TNNI3K: variants seen among roughly 807,000 people sequenced by gnomAD.
TNNI3K encodes the protein TNNI3 interacting kinase, also known as serine/threonine-protein kinase TNNI3K.
Under a neutral mutation model 114.5 loss-of-function variants are expected in TNNI3K, and 140 were observed. The observed-to-expected ratio is 1.22, with a 90% CI of 1.07 to 1.41. TNNI3K has a LOEUF of 1.41. Among genes scored for constraint, TNNI3K ranks in the 40% most tolerant of loss-of-function variants. The pLI is 0.00. For missense variants in TNNI3K, 1,125 were observed against 1,007.6 expected (o/e 1.12, Z -1.58); for synonymous variants, 347 against 347.5 (o/e 1.00, Z 0.02).
At chr1:74,469,099 A>G (rs889201799) in intron 21 of TNNI3K, 1 of 152,488 alleles carries the variant, frequency 6.6e-6, no homozygotes, top group African/African-American at 2.4e-5. Context: ...ATTAATAACA[A>G]TTGGCAATAA....
chr1:74,244,951 A>G (rs1419244092), intron 2 of TNNI3K, among the ~76,000 whole-genome samples: 1 of 152,114 alleles, frequency 6.6e-6, no homozygotes, highest in Non-Finnish European at 1.5e-5. Context: ...AGTTCGAGAG[A>G]TCAAGTTTAA....
intron 17 of TNNI3K, among the ~76,000 whole-genome samples, chr1:74,393,272 T>C (rs1214815137): frequency 1.1e-5 from 1 of 90,192 alleles, no homozygotes; most frequent in Non-Finnish European, 3.2e-5. Flanking sequence ...AAAAGCATTC[T>C]GGACAAAAAA....
chr1:74,509,081 C>T (rs1250441752), intron 23 of TNNI3K, among the ~76,000 whole-genome samples: 1 of 152,132 alleles, frequency 6.6e-6, no homozygotes, highest in Non-Finnish European at 1.5e-5. Flanking sequence ...TATTCAGACA[C>T]TTTCTTCTTC....
intron 23 of TNNI3K, among the ~76,000 whole-genome samples, chr1:74,537,072 T>C (rs182381282): frequency 5.4e-4 from 83 of 152,322 alleles, no homozygotes; most frequent in South Asian, 2.3e-3. Context: ...GCCTATGTGG[T>C]ATCTCTTGGG....
chr1:74,307,197 A>G lies in TNNI3K; in HGVS notation c.445-24253A>G, dbSNP rs556055767. On this transcript the variant is annotated intron_variant, in intron 5 of 24. Coordinates refer to ENST00000326637, the MANE Select transcript of TNNI3K (RefSeq NM_015978.3). ...AGCACATGTAAGTACAAAGCCCACA[A>G]ACCCTATAAAGCAACTATACAATTG... Among the ~76,000 whole-genome samples the G allele has an allele frequency of 8.8e-4, 134 of 152,306 alleles. 1 individual carries two copies. The highest frequency in any genetic ancestry group is 3.2e-3 in the African/African-American group (131 of 41,568).
intron 17 of TNNI3K, among the ~76,000 whole-genome samples, chr1:74,409,364 C>CT (rs913512002): frequency 6.6e-6 from 1 of 151,964 alleles, no homozygotes; most frequent in East Asian, 1.9e-4. Context: ...ACCTTGCTAC[C>CT]TTTTTTTGAG....
chr1:74,251,248 C>A (rs931286540), intron 4 of TNNI3K, among the ~76,000 whole-genome samples: 1 of 152,198 alleles, frequency 6.6e-6, no homozygotes, highest in Non-Finnish European at 1.5e-5. Context: ...TAGCCCCTGG[C>A]TCCAACCTAA....
chr1:74,523,070 G>A (rs1402669128), intron 23 of TNNI3K, among the ~76,000 whole-genome samples: 1 of 152,220 alleles, frequency 6.6e-6, no homozygotes. Flanking sequence ...GTGAGCTTCA[G>A]TATAGGTTCT....
Position 74,448,278 on chromosome 1 carries a change from A to AAG in TNNI3K, c.2011+8657_2011+8658insGA, listed in dbSNP as rs1666801623. Among the ~76,000 whole-genome samples the AAG allele has an allele frequency of 2.1e-5, 3 of 146,092 alleles. No individual in the cohort carries two copies. In the South Asian group the frequency reaches 6.3e-4, roughly 31 times the overall value. On this transcript the variant is annotated intron_variant, in intron 20 of 24. Coordinates refer to ENST00000326637, the MANE Select transcript of TNNI3K (RefSeq NM_015978.3). ...AGTATAATAAAAAAAAAAAAAAAAA[A>AAG]AAAAAGAATGCTTGTGATTTTTGTA... is the stretch of plus-strand genomic sequence containing the variant.
At chr1:74,453,184 A>C (rs959765055) in intron 20 of TNNI3K, among the ~76,000 whole-genome samples, 1 of 152,172 alleles carries the variant, frequency 6.6e-6, no homozygotes, top group Non-Finnish European at 1.5e-5. Flanking sequence ...ATAGTTACCC[A>C]CTTTAGAGGG....
intron 5 of TNNI3K, among the ~76,000 whole-genome samples, chr1:74,314,213 T>G (rs974994284): frequency 2.0e-5 from 3 of 150,562 alleles, no homozygotes; most frequent in Non-Finnish European, 4.4e-5. Flanking sequence ...CTGCTATATT[T>G]TTTCATCCAT....
intron 10 of TNNI3K, 125 bp downstream of exon 10, chr1:74,353,485 T>C: frequency 1.0e-6 from 1 of 1,000,782 alleles, no homozygotes; most frequent in Non-Finnish European, 1.5e-6. Flanking sequence ...TTTTATCAAC[T>C]GCCAGCATTT....
chr1:74,338,250 A>G (rs1000167734), intron 7 of TNNI3K, among the ~76,000 whole-genome samples: 12 of 151,936 alleles, frequency 7.9e-5, no homozygotes, highest in Non-Finnish European at 1.3e-4. Flanking sequence ...ATACTTTTTA[A>G]TAGAGTTTGA....
intron 4 of TNNI3K, among the ~76,000 whole-genome samples, chr1:74,270,101 G>T (rs17095044): frequency 6.6e-6 from 1 of 151,810 alleles, no homozygotes; most frequent in Non-Finnish European, 1.5e-5. Flanking sequence ...TCAGGTGGAA[G>T]AAACAGTCAT....
Position 74,386,787 on chromosome 1 carries a change from A to C in TNNI3K, c.1772+16395A>C, listed in dbSNP as rs561782937. 7.9e-5 allele frequency among the ~76,000 whole-genome samples: 12 copies of C among 152,306 alleles called. No individual in the cohort carries two copies. The South Asian group carries it at 8.3e-4, about 11-fold the overall frequency. On this transcript the variant is annotated intron_variant, in intron 17 of 24. Coordinates refer to ENST00000326637, the MANE Select transcript of TNNI3K (RefSeq NM_015978.3). ...GACAGAAAGAAATTGGTAGTGTGAA[A>C]GTTAAAACTTCAAAATAAACATGAT...
chr1:74,275,521 A>C (rs1365079577), intron 5 of TNNI3K, among the ~76,000 whole-genome samples: 2 of 152,008 alleles, frequency 1.3e-5, no homozygotes, highest in Non-Finnish European at 2.9e-5. Flanking sequence ...ATTAATGTGG[A>C]CTCAAAGAGT....
chr1:74,284,812 C>T (rs1331874993), intron 5 of TNNI3K, among the ~76,000 whole-genome samples: 1 of 152,182 alleles, frequency 6.6e-6, no homozygotes, highest in African/African-American at 2.4e-5. Flanking sequence ...CTTAGCGTTC[C>T]AATAATGGAA....
chr1:74,448,260 TAAAAAAAAAAAAA>T (rs71588834), intron 20 of TNNI3K, among the ~76,000 whole-genome samples: 17 of 89,132 alleles, frequency 1.9e-4, no homozygotes, highest in Middle Eastern at 6.0e-3. Flanking sequence ...TAGAGTATAA[TAAAAAAAAAAAAA>T]AAAAAAAAAA....
intron 23 of TNNI3K, among the ~76,000 whole-genome samples, chr1:74,504,554 G>T (rs1479340223): frequency 1.3e-5 from 2 of 152,008 alleles, no homozygotes; most frequent in African/African-American, 4.8e-5. Context: ...AAAATATTCT[G>T]TTCAAAAGAG....
Sources: gnomAD v4.1 joint callset for allele counts (sites outside exome capture counted in the v4.1 genomes callset) on GRCh38, gnomAD v4.1.1 for gene constraint, MANE v1.5 for transcripts, NCBI Gene and HGNC (gene_info 2026-07-23, HGNC 2026-07-21) for gene names.